The following HIVEP3 variants were observed in gnomAD, a reference collection of about 807,000 sequenced individuals.
The protein encoded by HIVEP3 is transcription factor HIVEP3.
HIVEP3 carries 49 observed loss-of-function variants against 152.8 expected under a neutral mutation model. That is an observed-to-expected ratio of 0.32 (90% CI 0.26 to 0.41). The LOEUF (loss-of-function observed/expected upper bound fraction) is 0.41, where lower values mean the gene tolerates loss of function less well. HIVEP3 is among the 10% of genes least tolerant of loss of function. The pLI is 1.00. For missense variants in HIVEP3, 2,790 were observed against 3,103.3 expected (o/e 0.90, Z 2.40); for synonymous variants, 1,269 against 1,289.0 (o/e 0.98, Z 0.33).
At chr1:41,693,490 T>G (rs1407025578) in intron 2 of HIVEP3, among the ~76,000 whole-genome samples, 1 of 152,218 alleles carries the variant, frequency 6.6e-6, no homozygotes, top group African/African-American at 2.4e-5. Flanking sequence ...CCTCTGCCCA[T>G]TTTTCCGCTG....
intron 5 of HIVEP3, among the ~76,000 whole-genome samples, chr1:41,541,648 A>G (rs936618479): frequency 3.3e-5 from 5 of 152,158 alleles, no homozygotes; most frequent in Non-Finnish European, 7.4e-5. Flanking sequence ...CTCCAGGTCC[A>G]CCTTTTCTAT....
chr1:41,987,911 C>T (rs1645333632), intron 1 of HIVEP3, among the ~76,000 whole-genome samples: 1 of 152,122 alleles, frequency 6.6e-6, no homozygotes, highest in Non-Finnish European at 1.5e-5. Flanking sequence ...TATCAAACAA[C>T]CAGATCTCAT....
intron 2 of HIVEP3, among the ~76,000 whole-genome samples, chr1:41,680,066 C>T (rs556825940): frequency 9.8e-5 from 15 of 152,364 alleles, no homozygotes; most frequent in African/African-American, 3.6e-4. Context: ...GGGAGATGGG[C>T]CAGGATGGTT....
intron 1 of HIVEP3, among the ~76,000 whole-genome samples, chr1:41,782,866 T>C (rs1040836979): frequency 6.6e-5 from 10 of 152,054 alleles, no homozygotes; most frequent in African/African-American, 2.4e-4. Flanking sequence ...AGGAAAATCT[T>C]AGGAGATGAT....
Position 42,017,049 on chromosome 1 carries a change from T to C in HIVEP3, n.119+18758A>G, listed in dbSNP as rs570891615. On this transcript the variant is annotated intron_variant and non_coding_transcript_variant, in intron 1 of 3. Transcript: ENST00000489103. ...AACCTTAGCAACACTGAGTATTTTG[T>C]ATCTTTTAATGTCTGATGGTCTGAC... is the stretch of plus-strand genomic sequence containing the variant. Among the ~76,000 whole-genome samples the C allele has an allele frequency of 2.0e-5, 3 of 152,270 alleles. No homozygotes were observed. In the South Asian group the frequency reaches 6.2e-4, roughly 32 times the overall value.
chr1:42,021,890 T>C (rs1645556737), intron 1 of HIVEP3, among the ~76,000 whole-genome samples: 1 of 152,196 alleles, frequency 6.6e-6, no homozygotes, highest in Non-Finnish European at 1.5e-5. Context: ...CAAACTGGCA[T>C]ATGTACTAAA....
At chr1:41,704,799 T>C (rs569580412) in intron 1 of HIVEP3, among the ~76,000 whole-genome samples, 286 of 152,304 alleles carry the variant, frequency 1.9e-3, no homozygotes, top group African/African-American at 6.4e-3. Flanking sequence ...AGCTGAACCA[T>C]AGAGAGGGAA....
chr1:41,691,854 T>G (rs1272746235), intron 2 of HIVEP3, among the ~76,000 whole-genome samples: 1 of 151,698 alleles, frequency 6.6e-6, no homozygotes, highest in African/African-American at 2.4e-5. Flanking sequence ...CTTACATTCA[T>G]AGTCACTTGT....
rs536823919 is a variant in HIVEP3 at position 41,559,694 on chromosome 1, G to A, written c.5207+15850C>T. Reference sequence around the variant, plus strand: ...CCTCCTGTTGGCATATACTAAGCGGGGGTCAAGATGCTGGCTTCCATCATT... The same window carrying A: ...CCTCCTGTTGGCATATACTAAGCGGAGGTCAAGATGCTGGCTTCCATCATT... On this transcript the variant is annotated intron_variant, in intron 5 of 8. Transcript: ENST00000372583. Among the ~76,000 whole-genome samples, 4 of 152,296 alleles carry A rather than the reference G, an allele frequency of 2.6e-5. No individual in the cohort carries two copies. In the East Asian group the frequency reaches 7.7e-4, roughly 29 times the overall value.
chr1:41,912,355 T>C (rs1644810295), intron 1 of HIVEP3, among the ~76,000 whole-genome samples: 1 of 152,232 alleles, frequency 6.6e-6, no homozygotes, highest in South Asian at 2.1e-4. Context: ...GGCTATTTCA[T>C]TAAAGTTATT....
intron 6 of HIVEP3, among the ~76,000 whole-genome samples, chr1:41,522,046 C>CA (rs1333998019): frequency 2.0e-5 from 3 of 152,236 alleles, no homozygotes; most frequent in Non-Finnish European, 4.4e-5. Context: ...ACACACACGG[C>CA]AGACAGAGAC....
At chr1:42,032,705 G>C (rs530343351) in intron 1 of HIVEP3, among the ~76,000 whole-genome samples, 1 of 151,724 alleles carries the variant, frequency 6.6e-6, no homozygotes, top group Non-Finnish European at 1.5e-5. Context: ...TCTTGCTTAC[G>C]GACAGGCAGT....
At chr1:42,032,729 G>A (rs139041636) in intron 1 of HIVEP3, among the ~76,000 whole-genome samples, 251 of 152,118 alleles carry the variant, frequency 1.7e-3, no homozygotes, top group Middle Eastern at 3.4e-3. Flanking sequence ...TGGGTGCAGG[G>A]ATTTTGCCTT....
At chr1:41,564,769 G>A (rs531054450) in intron 5 of HIVEP3, among the ~76,000 whole-genome samples, 129 of 152,354 alleles carry the variant, frequency 8.5e-4, no homozygotes, top group Admixed American at 2.3e-3. Flanking sequence ...CTTCTCTGAA[G>A]AAGACCACAC....
rs377505174 is a variant in HIVEP3 at position 41,650,026 on chromosome 1, C to A, written c.-720-21079G>T. On this transcript the variant is annotated intron_variant, in intron 2 of 8. Transcript: ENST00000372583. The stretch of plus-strand genomic sequence containing the variant: ...GCCGGGAACGGAAACGGAAAAGAAA[C>A]AAACCGGCAAGCAGAAATGACCCAA... 2.4e-4 allele frequency among the ~76,000 whole-genome samples: 36 copies of A among 151,966 alleles called. No individual in the cohort carries two copies. In the East Asian group the frequency reaches 3.5e-3, roughly 15 times the overall value.
chr1:41,856,862 G>A (rs769443935), intron 1 of HIVEP3, among the ~76,000 whole-genome samples: 3 of 152,192 alleles, frequency 2.0e-5, no homozygotes, highest in Non-Finnish European at 4.4e-5. Context: ...CACAGCCCGT[G>A]TGGGATGCCT....
At chr1:41,763,081 G>T (rs1384115728) in intron 1 of HIVEP3, among the ~76,000 whole-genome samples, 3 of 152,306 alleles carry the variant, frequency 2.0e-5, no homozygotes, top group Admixed American at 2.0e-4. Context: ...ACATCAGAGT[G>T]TCATGGTCAC....
chr1:41,680,401 C>T (rs1162987613), intron 2 of HIVEP3, among the ~76,000 whole-genome samples: 1 of 152,174 alleles, frequency 6.6e-6, no homozygotes, highest in African/African-American at 2.4e-5. Flanking sequence ...GGATTGGGGG[C>T]AGTAAGCTTC....
At chr1:41,556,134 G>A (rs1362011406) in intron 5 of HIVEP3, among the ~76,000 whole-genome samples, 1 of 152,150 alleles carries the variant, frequency 6.6e-6, no homozygotes, top group Non-Finnish European at 1.5e-5. Context: ...GGTATTGGTG[G>A]TATGTACTTG....
Sources: allele counts gnomAD v4.1 joint callset (sites outside exome capture counted in the v4.1 genomes callset), GRCh38; gene constraint gnomAD v4.1.1; transcripts MANE v1.5; gene names NCBI Gene and HGNC (gene_info 2026-07-23, HGNC 2026-07-21).